The following ADAMTSL1 variants were observed in gnomAD, a reference collection of about 807,000 sequenced individuals.
ADAMTSL1 encodes the protein ADAMTS like 1.
In ADAMTSL1, 126 loss-of-function variants were observed where a neutral mutation model predicts 201.8. The observed-to-expected ratio is 0.62, with a 90% confidence interval of 0.54 to 0.72. The LOEUF is 0.72. ADAMTSL1 is among the 30% of genes least tolerant of loss of function. ADAMTSL1 has a pLI of 0.00. For missense variants in ADAMTSL1, 2,679 were observed against 2,277.8 expected, an observed-to-expected ratio of 1.18 and a Z score of -3.59; for synonymous variants, 1,121 against 903.4, an observed-to-expected ratio of 1.24 and a Z score of -4.32.
chr9:18,271,677 T>C (rs1288209643), intron 2 of ADAMTSL1, among the ~76,000 whole-genome samples: 1 of 152,204 alleles, frequency 6.6e-6, no homozygotes, highest in African/African-American at 2.4e-5. Flanking sequence ...TTATAATCCT[T>C]TGGGTATATA....
At chr9:18,719,125 T>C (rs1255687321) in intron 14 of ADAMTSL1, among the ~76,000 whole-genome samples, 1 of 152,186 alleles carries the variant, frequency 6.6e-6, no homozygotes, top group Non-Finnish European at 1.5e-5. Flanking sequence ...GAATTTCAAA[T>C]GGCTCATCCC....
intron 2 of ADAMTSL1, among the ~76,000 whole-genome samples, chr9:18,285,889 A>G (rs749985499): frequency 3.9e-5 from 6 of 152,128 alleles, no homozygotes; most frequent in Admixed American, 6.5e-5. Context: ...AAAGTGTGCA[A>G]TTGACTGGGT....
chr9:18,309,801 ACT>A (rs1472690148), intron 2 of ADAMTSL1, among the ~76,000 whole-genome samples: 1 of 151,672 alleles, frequency 6.6e-6, no homozygotes, highest in African/African-American at 2.4e-5. Context: ...TCAAGCTACC[ACT>A]GACTTTCTTC....
intron 2 of ADAMTSL1, among the ~76,000 whole-genome samples, chr9:18,289,135 G>GTCTATCTATCTATCTA (rs10622385): frequency 3.4e-5 from 5 of 145,214 alleles, no homozygotes; most frequent in Non-Finnish European, 7.4e-5. Context: ...ATATATGTCT[G>GTCTATCTATCTATCTA]TCTATCTATC....
At chr9:18,158,561 C>G (rs1303288860) in intron 1 of ADAMTSL1, among the ~76,000 whole-genome samples, 4 of 151,898 alleles carry the variant, frequency 2.6e-5, no homozygotes, top group Non-Finnish European at 5.9e-5. Context: ...AAACAGGGAC[C>G]CTTGTTTATC....
chr9:18,879,816 G>A lies in ADAMTSL1; in HGVS notation c.4250-8015G>A, dbSNP rs184206645. On this transcript the variant is annotated intron_variant, in intron 23 of 28. Transcript: ENST00000380548. ...GCATCGATTGATTCATCTCATGAAAGAGTCCTCTGTAGCATGTGATGCTGT... is the reference window on the plus strand; with the variant it reads ...GCATCGATTGATTCATCTCATGAAAAAGTCCTCTGTAGCATGTGATGCTGT... Among the ~76,000 whole-genome samples, 321 of 152,310 alleles carry A rather than the reference G, an allele frequency of 2.1e-3. 1 individual carries two copies. Among genetic ancestry groups the A allele is most frequent in the African/African-American group, 6.4e-3 (268 of 41,576 alleles).
intron 1 of ADAMTSL1, among the ~76,000 whole-genome samples, chr9:18,077,541 A>C (rs1448888547): frequency 6.6e-6 from 1 of 152,190 alleles, no homozygotes; most frequent in East Asian, 1.9e-4. Flanking sequence ...CCTTGGATTT[A>C]ACAAGATAAG....
At chr9:18,101,740 T>A (rs1490437690) in intron 1 of ADAMTSL1, among the ~76,000 whole-genome samples, 1 of 152,052 alleles carries the variant, frequency 6.6e-6, no homozygotes, top group Admixed American at 6.6e-5. Flanking sequence ...ATTGAATAAA[T>A]GTATTAGGTT....
intron 1 of ADAMTSL1, among the ~76,000 whole-genome samples, chr9:17,970,192 A>G (rs889182626): frequency 6.6e-6 from 1 of 152,076 alleles, no homozygotes. Flanking sequence ...ATGTTCTACC[A>G]TCTATCCAAT....
chr9:18,179,782 A>C (rs1828368923), intron 2 of ADAMTSL1, among the ~76,000 whole-genome samples: 1 of 152,164 alleles, frequency 6.6e-6, no homozygotes, highest in South Asian at 2.1e-4. Flanking sequence ...ACTAAGCTTC[A>C]TAAGTGAAGG....
At chr9:18,646,419 G>A (rs1373302671) in intron 7 of ADAMTSL1, among the ~76,000 whole-genome samples, 33 of 151,692 alleles carry the variant, frequency 2.2e-4, no homozygotes, top group East Asian at 5.8e-4. Flanking sequence ...AGAACTTCCA[G>A]CACTATGTTG....
At chr9:17,947,308 CACAT>C (rs1827532865) in intron 1 of ADAMTSL1, among the ~76,000 whole-genome samples, 1 of 95,256 alleles carries the variant, frequency 1.0e-5, no homozygotes, top group East Asian at 3.8e-4. Flanking sequence ...ACCTTATACA[CACAT>C]ACACACACAC....
chr9:18,634,033 T>G (rs929774385), intron 5 of ADAMTSL1, among the ~76,000 whole-genome samples: 3 of 152,204 alleles, frequency 2.0e-5, no homozygotes, highest in African/African-American at 4.8e-5. Flanking sequence ...CATGTCTATA[T>G]TTATATCTAG....
intron 14 of ADAMTSL1, among the ~76,000 whole-genome samples, chr9:18,720,441 AC>A (rs1274382390): frequency 6.6e-6 from 1 of 152,214 alleles, no homozygotes; most frequent in African/African-American, 2.4e-5. Context: ...TGTTATTATG[AC>A]TGGGCATCAA....
chr9:18,141,587 T>C (rs1054320935), intron 1 of ADAMTSL1, among the ~76,000 whole-genome samples: 1 of 152,180 alleles, frequency 6.6e-6, no homozygotes, highest in Non-Finnish European at 1.5e-5. Context: ...AGCCTGGTGG[T>C]GGCCAGCACT....
Position 18,278,663 on chromosome 9 carries a change from C to A in ADAMTSL1, c.207+114682C>A, listed in dbSNP as rs1358899424. Among the ~76,000 whole-genome samples, 7 of 152,090 alleles carry A rather than the reference C, an allele frequency of 4.6e-5. No individual in the cohort carries two copies. The East Asian group carries it at 9.6e-4, about 21-fold the overall frequency. On this transcript the variant is annotated intron_variant, in intron 2 of 29. Coordinates refer to the ADAMTSL1 transcript ENST00000680146. Reference sequence around the variant, plus strand: ...TTTTTATAATTAATCTATTTGAGTTCTTTTGGGCTTCATAGATCTGGATGT... The same window carrying A: ...TTTTTATAATTAATCTATTTGAGTTATTTTGGGCTTCATAGATCTGGATGT...
intron 23 of ADAMTSL1, among the ~76,000 whole-genome samples, chr9:18,849,133 C>T (rs1264000805): frequency 6.6e-6 from 1 of 152,246 alleles, no homozygotes; most frequent in Non-Finnish European, 1.5e-5. Flanking sequence ...TCTGTCATGT[C>T]TCCCAGCTAG....
chr9:18,685,083 A>C (rs1252151027), intron 13 of ADAMTSL1: 6 of 756,624 alleles, frequency 7.9e-6, no homozygotes, highest in Non-Finnish European at 1.0e-5. Flanking sequence ...CAAGGGGCCA[A>C]AGGTGAGAAG....
chr9:17,928,548 C>T (rs1401993264), intron 1 of ADAMTSL1, among the ~76,000 whole-genome samples: 1 of 152,108 alleles, frequency 6.6e-6, no homozygotes, highest in African/African-American at 2.4e-5. Context: ...TGACATTTTT[C>T]AAGATAGGGG....
Sources: allele counts gnomAD v4.1 joint callset (sites outside exome capture counted in the v4.1 genomes callset), GRCh38; gene constraint gnomAD v4.1.1; transcripts MANE v1.5; gene names NCBI Gene and HGNC (gene_info 2026-07-23, HGNC 2026-07-21).